The following ACSL5 variants were observed in gnomAD, a reference collection of about 807,000 sequenced individuals.
ACSL5 encodes the protein long-chain-fatty-acid--CoA ligase 5.
ACSL5 carries 50 observed loss-of-function variants against 84.9 expected under a neutral mutation model. The ratio of observed to expected loss-of-function variants is 0.59; its 90% CI spans 0.47 to 0.75. The LOEUF is 0.75. Ranked by LOEUF, ACSL5 falls within the 30% of genes least tolerant of loss-of-function variation. The pLI is 0.00. For missense variants in ACSL5, 775 were observed against 830.4 expected (o/e 0.93, Z 0.82); for synonymous variants, 280 against 300.7 (o/e 0.93, Z 0.71).
At chr10:112,381,084 G>A (rs1056137014) in intron 1 of ACSL5, among the ~76,000 whole-genome samples, 1 of 152,140 alleles carries the variant, frequency 6.6e-6, no homozygotes, top group African/African-American at 2.4e-5. Flanking sequence ...CATCATCCTT[G>A]CCCCTGGAAA....
chr10:112,418,762 A>G, intron 14 of ACSL5: 1 of 153,222 alleles, frequency 6.5e-6, no homozygotes, highest in Non-Finnish European at 1.5e-5. Context: ...AAGAAATCAT[A>G]AGGAAGAGAA....
intron 11 of ACSL5, chr10:112,412,419 C>T (rs542189683): frequency 2.4e-4 from 39 of 162,382 alleles, no homozygotes; most frequent in Non-Finnish European, 3.6e-4. Flanking sequence ...ATGTCCCCCG[C>T]GCCGGTTTTT....
intron 1 of ACSL5, among the ~76,000 whole-genome samples, chr10:112,374,915 C>T (rs1351834692): frequency 6.6e-6 from 1 of 152,088 alleles, no homozygotes; most frequent in Non-Finnish European, 1.5e-5. Flanking sequence ...TTGTGGGTTG[C>T]CAAAGCTTTC....
At position 112,411,910 on chromosome 10, in the gene ACSL5, T is replaced by C. The variant is rs1844188508; in HGVS notation, c.879T>C (p.Tyr293=). ...TTCCCTGGCCTACATAGCATGCTTA[T>C]GAGCCCACTCCTGATGATGTGGCCA... The part of the protein sequence containing the change: ...AAFLKCVEHA[Y]EPTPDDVAIS... Residue 293 remains tyrosine, a synonymous_variant, in exon 11 of 21, where the codon TAT becomes TAC. Transcript: ENST00000354655. 6.2e-7 allele frequency: 1 copy of C among 1,613,796 alleles called. No individual in the cohort carries two copies. The highest frequency in any genetic ancestry group is 8.5e-7 in the Non-Finnish European group (1 of 1,179,616).
chr10:112,401,215 C>CAAAAAAAAAAAAAAAAAAAA (rs1843880493), intron 3 of ACSL5, among the ~76,000 whole-genome samples: 1 of 151,530 alleles, frequency 6.6e-6, no homozygotes, highest in South Asian at 2.1e-4. Context: ...CACTCCATCT[C>CAAAAAAAAAAAAAAAAAAAA]AAAAAAATAA....
At chr10:112,416,743 C>A in intron 12 of ACSL5, 145 bp from the exon 13 acceptor site, 2 of 865,714 alleles carry the variant, frequency 2.3e-6, no homozygotes. Context: ...TCTCTGGGCT[C>A]ATCATTATTC....
intron 2 of ACSL5, among the ~76,000 whole-genome samples, 158 bp from the exon 3 acceptor site, chr10:112,398,743 C>T (rs1843803711): frequency 6.6e-6 from 1 of 152,106 alleles, no homozygotes; most frequent in Non-Finnish European, 1.5e-5. Flanking sequence ...TGTAAACATA[C>T]TATGATTTGG....
chr10:112,391,194 C>T (rs1048658228), intron 1 of ACSL5, among the ~76,000 whole-genome samples: 2 of 152,120 alleles, frequency 1.3e-5, no homozygotes, highest in Non-Finnish European at 2.9e-5. Flanking sequence ...GCCTGGCCAA[C>T]ATGGTGAAAC....
chr10:112,408,708 A>G (rs930758736), intron 6 of ACSL5, 187 bp downstream of exon 6: 2 of 550,118 alleles, frequency 3.6e-6, no homozygotes, highest in Non-Finnish European at 6.6e-6. Flanking sequence ...CAAAAAGCCC[A>G]TGAAGCAGAG....
rs774406681 is a variant in ACSL5, at chr10:112,422,057, G to A, written c.1476+22G>A. On this transcript the variant is annotated intron_variant, in intron 16 of 20. Transcript: ENST00000354655. ...AGAGGTGGGTAGGTCATGCCCTGTGGTCAGACAGTCATGGTGGGGAGGTTT... is the reference window on the plus strand; with the variant it reads ...AGAGGTGGGTAGGTCATGCCCTGTGATCAGACAGTCATGGTGGGGAGGTTT... The A allele has an allele frequency of 2.5e-6, 4 of 1,610,518 alleles. No individual in the cohort carries two copies. In the African/African-American group the frequency reaches 4.0e-5, roughly 16 times the overall value.
chr10:112,394,988 C>T lies in ACSL5; in HGVS notation c.42C>T (p.Thr14=), dbSNP rs773552498. ...IFNFLFSPLP[T]PALICILTFG... Reference sequence around the variant, plus strand: ...ACTTTTTGTTTTCCCCACTTCCGACCCCGGCGTTGATCTGCATCCTGACAT... The same window carrying T: ...ACTTTTTGTTTTCCCCACTTCCGACTCCGGCGTTGATCTGCATCCTGACAT... Residue 14 remains threonine (T), a synonymous_variant, in exon 2 of 21, where the codon ACC becomes ACT. Transcript: ENST00000354655. The T allele has an allele frequency of 6.2e-7, 1 of 1,613,922 alleles. No individual in the cohort carries two copies. Among genetic ancestry groups the T allele is most frequent in the South Asian group, 1.1e-5 (1 of 91,074 alleles).
chr10:112,416,750 A>T, intron 12 of ACSL5, 138 bp from the exon 13 acceptor site: 1 of 936,310 alleles, frequency 1.1e-6, no homozygotes, highest in Non-Finnish European at 1.6e-6. Context: ...GCTCATCATT[A>T]TTCAGCAATC....
chr10:112,383,812 C>CTTT (rs11484417), intron 1 of ACSL5, among the ~76,000 whole-genome samples: 28 of 151,052 alleles, frequency 1.9e-4, no homozygotes, highest in South Asian at 8.4e-4. Flanking sequence ...TCATTTTATT[C>CTTT]TTTTTTTTTG....
At chr10:112,409,850 A>C (rs1485190537) in intron 7 of ACSL5, among the ~76,000 whole-genome samples, 165 bp downstream of exon 7, 1 of 152,212 alleles carries the variant, frequency 6.6e-6, no homozygotes. Context: ...CCACAAGACA[A>C]CTTTGAAACT....
intron 1 of ACSL5, among the ~76,000 whole-genome samples, chr10:112,380,688 T>G (rs189623719): frequency 2.0e-5 from 3 of 152,298 alleles, no homozygotes; most frequent in African/African-American, 7.2e-5. Flanking sequence ...GAAAGATGGT[T>G]TGGTGGCAGG....
At chr10:112,399,773 T>C (rs1843834240) in intron 3 of ACSL5, among the ~76,000 whole-genome samples, 1 of 152,212 alleles carries the variant, frequency 6.6e-6, no homozygotes, top group Admixed American at 6.5e-5. Flanking sequence ...CTGTCAAGTG[T>C]TAACTATACA....
chr10:112,407,033 A>G (rs891002229), intron 5 of ACSL5, among the ~76,000 whole-genome samples: 2 of 152,122 alleles, frequency 1.3e-5, no homozygotes, highest in Non-Finnish European at 2.9e-5. Context: ...TGGCAGCAAG[A>G]GAAAATGAGG....
chr10:112,412,213 T>C, intron 11 of ACSL5: 1 of 494,436 alleles, frequency 2.0e-6, no homozygotes, highest in Non-Finnish European at 3.6e-6. Context: ...CCTGCCTTCA[T>C]GGGGGTGTGT....
intron 17 of ACSL5, among the ~76,000 whole-genome samples, chr10:112,423,222 ATATATATAT>A (rs1340608316): frequency 5.1e-5 from 1 of 19,472 alleles, no homozygotes; most frequent in Non-Finnish European, 1.3e-4. Context: ...AAAAAAAAAA[ATATATATAT>A]ATATATATAT....
Sources: gnomAD v4.1 joint callset for allele counts (sites outside exome capture counted in the v4.1 genomes callset) on GRCh38, gnomAD v4.1.1 for gene constraint, MANE v1.5 for transcripts, NCBI Gene and HGNC (gene_info 2026-07-23, HGNC 2026-07-21) for gene names.